ADAMTS10: variants seen among roughly 807,000 people sequenced by gnomAD.
ADAMTS10 encodes A disintegrin and metalloproteinase with thrombospondin motifs 10.
Under a neutral mutation model 135.9 loss-of-function variants are expected in ADAMTS10, and 48 were observed. The ratio of observed to expected loss-of-function variants is 0.35; its 90% CI spans 0.28 to 0.45. The LOEUF is 0.45. ADAMTS10 is among the 20% of genes least tolerant of loss of function. The pLI is 1.00. For missense variants in ADAMTS10, 1,131 were observed against 1,565.2 expected, an observed-to-expected ratio of 0.72 and a Z score of 4.68; for synonymous variants, 621 against 647.5, an observed-to-expected ratio of 0.96 and a Z score of 0.62.
intron 5 of ADAMTS10, among the ~76,000 whole-genome samples, chr19:8,602,103 G>T (rs1454614827): frequency 7.2e-5 from 11 of 152,154 alleles, no homozygotes; most frequent in African/African-American, 2.7e-4. Context: ...AGATCAGTTA[G>T]TTCTAACTGC....
Position 8,605,525 on chromosome 19 carries a change from C to T in ADAMTS10, c.88+98G>A. 4 of 1,357,002 alleles carry T rather than the reference C, an allele frequency of 2.9e-6. No homozygotes were observed. Among genetic ancestry groups the T allele is most frequent in the African/African-American group, 1.4e-5 (1 of 69,370 alleles). The allele number at this position is 1,357,002 out of a possible 1,614,324, so 84.1% of individuals were successfully genotyped here. A position where few individuals can be genotyped will look rare whatever the true frequency, so the allele number is the denominator to read the frequency against. The stretch of plus-strand genomic sequence containing the variant: ...TGACCCCAGGGCCTTCCCCCATTGA[C>T]CCCCATCCCAGCCCCCTGATGCCTC... On this transcript the variant is annotated intron_variant, in intron 3 of 25. Coordinates refer to ENST00000597188, the MANE Select transcript of ADAMTS10 (RefSeq NM_030957.4). The surrounding 1 kb of genome is among the most constrained non-coding windows in gnomAD (Gnocchi z 7.7).
Position 8,591,984 on chromosome 19 carries a change from A to G in ADAMTS10, c.1707T>C (p.Ser569=). Residue 569 remains serine (S), a synonymous_variant, in exon 14 of 26, where the codon TCT becomes TCC. Coordinates refer to ENST00000597188, the MANE Select transcript of ADAMTS10 (RefSeq NM_030957.4). The part of the protein sequence containing the change: ...CSRTCGGGVS[S]SSRHCDSPRP... ...TGGGGCTGTCGCAGTGACGGCTAGAAGAGGACACGCCGCCGCCACAGGTCC... is the reference window on the plus strand; with the variant it reads ...TGGGGCTGTCGCAGTGACGGCTAGAGGAGGACACGCCGCCGCCACAGGTCC... The G allele has an allele frequency of 6.2e-7, 1 of 1,613,490 alleles. No individual in the cohort carries two copies. The highest frequency in any genetic ancestry group is 1.7e-5 in the Admixed American group (1 of 60,000).
chr19:8,582,254 G>T (rs1388506784), intron 25 of ADAMTS10, among the ~76,000 whole-genome samples: 1 of 152,002 alleles, frequency 6.6e-6, no homozygotes, highest in African/African-American at 2.4e-5. Context: ...CGGATCATGA[G>T]GTCAGGAGAT....
chr19:8,604,653 T>C (rs1341071233), intron 4 of ADAMTS10, among the ~76,000 whole-genome samples: 1 of 151,118 alleles, frequency 6.6e-6, no homozygotes, highest in African/African-American at 2.4e-5. Flanking sequence ...GGCTAATTTT[T>C]ATATGTATTT....
intron 5 of ADAMTS10, among the ~76,000 whole-genome samples, chr19:8,602,232 G>A (rs1427504317): frequency 1.3e-5 from 2 of 152,166 alleles, no homozygotes; most frequent in African/African-American, 4.8e-5. Flanking sequence ...GACTGTGGCT[G>A]TATGTCTACC....
rs1481118761 is a variant in ADAMTS10 at position 8,596,482 on chromosome 19, C to T, written c.1084+60G>A. ...GGTGCTGGCTGGCCCCATCCACCTG[C>T]CAGGTCTCACCCCAGCCCACTGCCT... On this transcript the variant is annotated intron_variant, in intron 9 of 25. Coordinates refer to ENST00000597188, the MANE Select transcript of ADAMTS10 (RefSeq NM_030957.4). This position sits in a 1 kb window ranked among gnomAD's most constrained non-coding sequence, Gnocchi z 7.2. 6.2e-7 allele frequency: 1 copy of T among 1,612,592 alleles called. No individual in the cohort carries two copies. The highest frequency in any genetic ancestry group is 2.2e-5 in the East Asian group (1 of 44,832).
Position 8,603,775 on chromosome 19 carries a change from C to T in ADAMTS10, c.545G>A (p.Arg182His), listed in dbSNP as rs782567931. ...EESGPHVVYK[R>H]SSLRHPHLDT... is the part of the protein sequence containing the mutation. ...CAGGTGGGGGTGACGCAGAGAGGAA[C>T]GCTTGTACACCACATGTGGTCCACT... The change falls in exon 5 of 26, where the codon CGT (arginine) becomes CAT (histidine). Residue 182 changes from arginine (R) to histidine (H), a missense_variant. Transcript: ENST00000597188. The T allele has an allele frequency of 6.8e-6, 11 of 1,614,028 alleles. No homozygotes were observed. Among genetic ancestry groups the T allele is most frequent in the Admixed American group, 6.7e-5 (4 of 59,996 alleles).
rs2042671116 is a variant in ADAMTS10 at position 8,601,617 on chromosome 19, C to T, written c.593-472G>A. Reference sequence around the variant, plus strand: ...CCTCAAGTGATCCACCCGTCTCAGCCTCCCAAAGTGCTGGGATTACAGGTT... The same window carrying T: ...CCTCAAGTGATCCACCCGTCTCAGCTTCCCAAAGTGCTGGGATTACAGGTT... On this transcript the variant is annotated intron_variant, in intron 5 of 25. Transcript: ENST00000597188. The surrounding 1 kb of genome is among the most constrained non-coding windows in gnomAD (Gnocchi z 4.6). Among the ~76,000 whole-genome samples, 1 of 152,138 alleles carries T rather than the reference C, an allele frequency of 6.6e-6. No homozygotes were observed. The highest frequency in any genetic ancestry group is 1.5e-5 in the Non-Finnish European group (1 of 68,034).
rs782467840 is a variant in ADAMTS10, at chr19:8,592,888, C to G, written c.1480-18G>C. ...CAGACCTCCTGCGGGCCGAGGTGCC[C>G]GCTCAGGCTCGCCCCCCTCCCTTCC... On this transcript the variant is annotated intron_variant, in intron 12 of 25. Coordinates refer to ENST00000597188, the MANE Select transcript of ADAMTS10 (RefSeq NM_030957.4). 9.4e-6 allele frequency: 15 copies of G among 1,602,258 alleles called. No homozygotes were observed. The highest frequency in any genetic ancestry group is 4.2e-6 in the Non-Finnish European group (5 of 1,176,774).
At chr19:8,592,167 C>G (rs527630228) in intron 13 of ADAMTS10, 64 bp from the exon 14 acceptor site, 20 of 1,611,836 alleles carry the variant, frequency 1.2e-5, no homozygotes, top group African/African-American at 8.0e-5. Context: ...CCCCATGCAC[C>G]GTTCCCCACT....
At chr19:8,593,212 C>A in intron 12 of ADAMTS10, 1 of 367,556 alleles carries the variant, frequency 2.7e-6, no homozygotes. Flanking sequence ...CTCTTTAATT[C>A]AGAGTCTGTG....
intron 12 of ADAMTS10, 137 bp from the exon 13 acceptor site, chr19:8,593,007 C>T (rs1555739537): frequency 3.8e-6 from 3 of 786,602 alleles, no homozygotes; most frequent in African/African-American, 3.4e-5. Context: ...TCCTGGCTCG[C>T]GGTGGGTCTT....
At position 8,601,260 on chromosome 19, in the gene ADAMTS10, G is replaced by A; in HGVS notation, c.593-115C>T. The A allele has an allele frequency of 8.5e-7, 1 of 1,179,162 alleles. No individual in the cohort carries two copies. Among genetic ancestry groups the A allele is most frequent in the East Asian group, 2.5e-5 (1 of 39,286 alleles). 73.0% of individuals were successfully genotyped at this position (1,179,162 alleles called of 1,614,324 possible). A position where few individuals can be genotyped will look rare whatever the true frequency, so the allele number is the denominator to read the frequency against. ...ACCTCTCTACCCAACAGTCTGGACA[G>A]ACAATTTCTGGTCATTCTGCTGCCT... On this transcript the variant is annotated intron_variant, in intron 5 of 25. Transcript: ENST00000597188. The surrounding 1 kb of genome is among the most constrained non-coding windows in gnomAD (Gnocchi z 4.6).
chr19:8,589,185 C>A, intron 18 of ADAMTS10, 57 bp downstream of exon 18: 1 of 1,608,992 alleles, frequency 6.2e-7, no homozygotes. Context: ...GGATCAGTTC[C>A]ACCTGCAGTC....
Position 8,585,259 on chromosome 19 carries a change from T to C in ADAMTS10, c.2915A>G (p.Lys972Arg), listed in dbSNP as rs1389771100. The change falls in exon 24 of 26, where the codon AAG becomes AGG. Residue 972 changes from lysine (K) to arginine (R), a missense_variant. By Grantham distance (26) the Lys-to-Arg change is conservative. This residue lies in a region of ADAMTS10 where 745 missense variants were observed against 1,056.3 expected (regional missense o/e 0.71). Coordinates refer to ENST00000597188, the MANE Select transcript of ADAMTS10 (RefSeq NM_030957.4). ...CAGCGTGGCGCGGTGGTCTGCGCTC[T>C]TGCAAAGGACCACGCGGTGGCGGAG... Reference protein sequence around the residue: ...PGLRHRVVLCKSADHRATLPP... With the variant: ...PGLRHRVVLCRSADHRATLPP... The C allele has an allele frequency of 1.3e-6, 2 of 1,496,304 alleles. No individual in the cohort carries two copies. The highest frequency in any genetic ancestry group is 2.8e-5 in the African/African-American group (2 of 72,328). The allele number at this position is 1,496,304 out of a possible 1,614,324, so 92.7% of individuals were successfully genotyped here.
At position 8,592,949 on chromosome 19, in the gene ADAMTS10, G is replaced by T. The variant is rs1034305754; in HGVS notation, c.1480-79C>A. The T allele has an allele frequency of 6.7e-6, 9 of 1,342,844 alleles. No homozygotes were observed. In the Admixed American group the frequency reaches 1.2e-4, roughly 18 times the overall value. The allele number at this position is 1,342,844 out of a possible 1,614,324, so 83.2% of individuals were successfully genotyped here. A position where few individuals can be genotyped will look rare whatever the true frequency, so the allele number is the denominator to read the frequency against. ...AGCCCGCCCGGCTTGGGAGGACCCA[G>T]ATGTCCGGCTCACTGCCGGTCCCAG... is the stretch of plus-strand genomic sequence containing the variant. On this transcript the variant is annotated intron_variant, in intron 12 of 25. Transcript: ENST00000597188.
intron 13 of ADAMTS10, among the ~76,000 whole-genome samples, chr19:8,592,438 A>G (rs1342135368): frequency 6.6e-6 from 1 of 151,720 alleles, no homozygotes; most frequent in African/African-American, 2.4e-5. Context: ...AGGGCAGCAC[A>G]GGGGATGGGC....
rs375199066 is a variant in ADAMTS10, at chr19:8,601,191, C to A, written c.593-46G>T. The A allele has an allele frequency of 4.4e-6, 7 of 1,592,492 alleles. No homozygotes were observed. The African/African-American group carries it at 8.1e-5, about 18-fold the overall frequency. ...ATTAAGCCCTGCCCTGCTGGTGGGACGCAGAGCTGCCTGACAACTGTCTTG... is the reference window on the plus strand; with the variant it reads ...ATTAAGCCCTGCCCTGCTGGTGGGAAGCAGAGCTGCCTGACAACTGTCTTG... On this transcript the variant is annotated intron_variant, in intron 5 of 25. Coordinates refer to ENST00000597188, the MANE Select transcript of ADAMTS10 (RefSeq NM_030957.4). The surrounding 1 kb of genome is among the most constrained non-coding windows in gnomAD (Gnocchi z 4.6).
rs2042608207 is a variant in ADAMTS10, at chr19:8,596,579, G to A, written c.1047C>T (p.Asp349=). 6 of 1,613,230 alleles carry A rather than the reference G, an allele frequency of 3.7e-6. No homozygotes were observed. Among genetic ancestry groups the A allele is most frequent in the Non-Finnish European group, 5.1e-6 (6 of 1,180,008 alleles). The change falls in exon 9 of 26, where the codon GAC becomes GAT. Residue 349 remains aspartate, a synonymous_variant. Coordinates refer to ENST00000597188, the MANE Select transcript of ADAMTS10 (RefSeq NM_030957.4). The surrounding 1 kb of genome is among the most constrained non-coding windows in gnomAD (Gnocchi z 7.2). ...HDTAVLITRY[D]ICIYKNKPCG... Reference sequence around the variant, plus strand: ...AGGGTTTGTTCTTGTAGATGCAGATGTCATAGCTGTAAAAGGAGACAGGGT... The same window carrying A: ...AGGGTTTGTTCTTGTAGATGCAGATATCATAGCTGTAAAAGGAGACAGGGT...
Sources: allele counts gnomAD v4.1 joint callset (sites outside exome capture counted in the v4.1 genomes callset), GRCh38; gene constraint gnomAD v4.1.1; regional missense constraint gnomAD v4.1.1; non-coding constraint Gnocchi (gnomAD v3.1); transcripts MANE v1.5; gene names NCBI Gene and HGNC (gene_info 2026-07-23, HGNC 2026-07-21).